The following EPB41L1 variants were observed in gnomAD, a reference collection of about 807,000 sequenced individuals.
EPB41L1 encodes the protein band 4.1-like protein 1.
EPB41L1 carries 29 observed loss-of-function variants against 97.8 expected under a neutral mutation model. That is an observed-to-expected ratio of 0.30 (90% CI 0.22 to 0.40). The LOEUF (loss-of-function observed/expected upper bound fraction) is 0.40, where lower values mean the gene tolerates loss of function less well. Ranked by LOEUF, EPB41L1 falls within the 10% of genes least tolerant of loss-of-function variation. EPB41L1 has a pLI of 1.00. For synonymous variants in EPB41L1, 383 were observed against 459.2 expected, an observed-to-expected ratio of 0.83 and a Z score of 2.12; for missense variants, 812 against 1,162.3, an observed-to-expected ratio of 0.70 and a Z score of 4.38.
Position 36,231,206 on chromosome 20 carries a change from G to C in EPB41L1, c.*1866G>C, listed in dbSNP as rs1244549799. The C allele has an allele frequency of 6.6e-6, 1 of 152,178 alleles. No homozygotes were observed. Among genetic ancestry groups the C allele is most frequent in the Non-Finnish European group, 1.5e-5 (1 of 68,036 alleles). 9.4% of individuals were successfully genotyped at this position (152,178 alleles called of 1,614,324 possible). ...TCAAGAAGCTCCCATCACAAGCTTG[G>C]CATTGCTCTCTGCCACACGTGGGCT... On this transcript the variant is annotated 3_prime_UTR_variant, in exon 22 of 22. Transcript: ENST00000338074.
chr20:36,123,496 A>C (rs1036393006), intron 2 of EPB41L1, among the ~76,000 whole-genome samples: 2 of 152,178 alleles, frequency 1.3e-5, no homozygotes, highest in African/African-American at 4.8e-5. Flanking sequence ...GCTAGAGTGC[A>C]GTGGCGCAAT....
At chr20:36,106,164 G>A (rs763355002) in intron 1 of EPB41L1, among the ~76,000 whole-genome samples, 1 of 152,206 alleles carries the variant, frequency 6.6e-6, no homozygotes, top group Non-Finnish European at 1.5e-5. Context: ...TGTGGGTGGG[G>A]GAACTAAGGA....
At chr20:36,188,641 C>CACAGAGAG in intron 9 of EPB41L1, 142 bp downstream of exon 9, 1 of 270,434 alleles carries the variant, frequency 3.7e-6, no homozygotes, top group South Asian at 4.0e-5. Context: ...CACACACACA[C>CACAGAGAG]AGAGAGAGAG....
At chr20:36,225,251 G>A (rs1201631142) in intron 21 of EPB41L1, among the ~76,000 whole-genome samples, 1 of 152,238 alleles carries the variant, frequency 6.6e-6, no homozygotes, top group Non-Finnish European at 1.5e-5. Context: ...TCATACAAGT[G>A]ATTGTCATTC....
chr20:36,224,284 T>A (rs922338242), intron 21 of EPB41L1, among the ~76,000 whole-genome samples: 1 of 152,188 alleles, frequency 6.6e-6, no homozygotes, highest in Non-Finnish European at 1.5e-5. Flanking sequence ...ATAATCTCAA[T>A]AATTTTTACA....
intron 1 of EPB41L1, among the ~76,000 whole-genome samples, chr20:36,102,117 G>C (rs2048659148): frequency 7.2e-6 from 1 of 139,096 alleles, no homozygotes; most frequent in Admixed American, 7.1e-5. Context: ...GGGCGGGGTG[G>C]GGGGTGGGCG....
intron 2 of EPB41L1, among the ~76,000 whole-genome samples, chr20:36,116,560 C>G (rs911680897): frequency 1.3e-5 from 2 of 152,166 alleles, no homozygotes; most frequent in African/African-American, 4.8e-5. Context: ...TTCCCTTCTT[C>G]CTGGTGGTGA....
chr20:36,229,503 TAGAG>T lies in EPB41L1; in HGVS notation c.*165_*168del. 1 of 685,138 alleles carries T rather than the reference TAGAG, an allele frequency of 1.5e-6. No individual in the cohort carries two copies. The highest frequency in any genetic ancestry group is 2.6e-6 in the Non-Finnish European group (1 of 380,330). The allele number at this position is 685,138 out of a possible 1,614,324, so 42.4% of individuals were successfully genotyped here. ...GGAAAAGCATATATATATAGATATA[TAGAG>T]ATATAGATATATATACAGGAAACAC... On this transcript the variant is annotated 3_prime_UTR_variant, in exon 22 of 22. Coordinates refer to ENST00000338074, the MANE Select transcript of EPB41L1 (RefSeq NM_012156.2).
At chr20:36,214,842 C>T (rs2063348670) in intron 17 of EPB41L1, among the ~76,000 whole-genome samples, 2 of 152,044 alleles carry the variant, frequency 1.3e-5, no homozygotes, top group South Asian at 4.2e-4. Context: ...TGTCTCATGC[C>T]TTAGACCACT....
intron 2 of EPB41L1, chr20:36,122,553 C>G (rs901505815): frequency 4.6e-5 from 7 of 152,962 alleles, no homozygotes; most frequent in Non-Finnish European, 1.0e-4. Flanking sequence ...TTTGGCCACA[C>G]CCATGAGCAG....
chr20:36,220,130 C>T (rs2063695360), intron 19 of EPB41L1, among the ~76,000 whole-genome samples: 1 of 152,238 alleles, frequency 6.6e-6, no homozygotes, highest in Admixed American at 6.5e-5. Context: ...CTGGAGGAAT[C>T]TAGACGGGGT....
At position 36,093,117 on chromosome 20, in the gene EPB41L1, CTG is replaced by C. The variant is rs1281860001; in HGVS notation, c.-65+1512_-65+1513del. On this transcript the variant is annotated intron_variant, in intron 1 of 19. Transcript: ENST00000202028. This position sits in a 1 kb window ranked among gnomAD's most constrained non-coding sequence, Gnocchi z 5.4. ...GTGCGTGTGTGCGCCGGGTGTGCAT[CTG>C]TGTGTGCGTGTGTGAGGGTGTGTGC... is the stretch of plus-strand genomic sequence containing the variant. 6.6e-6 allele frequency: 1 copy of C among 151,800 alleles called. No individual in the cohort carries two copies. The highest frequency in any genetic ancestry group is 1.5e-5 in the Non-Finnish European group (1 of 68,582). The allele number at this position is 151,800 out of a possible 1,614,324, so 9.4% of individuals were successfully genotyped here.
At chr20:36,191,430 C>G (rs1046889696) in intron 11 of EPB41L1, among the ~76,000 whole-genome samples, 2 of 152,052 alleles carry the variant, frequency 1.3e-5, no homozygotes, top group African/African-American at 4.8e-5. Context: ...CCTATATAGT[C>G]CTGTAGCAAG....
chr20:36,181,302 A>G (rs757774474), intron 5 of EPB41L1, among the ~76,000 whole-genome samples: 5 of 152,178 alleles, frequency 3.3e-5, no homozygotes, highest in Admixed American at 1.3e-4. Context: ...AATTTTGTCC[A>G]GTACCTCATA....
rs188238182 is a variant in EPB41L1 at position 36,182,086 on chromosome 20, C to T, written c.491-186C>T. Among the ~76,000 whole-genome samples, 214 of 152,280 alleles carry T rather than the reference C, an allele frequency of 1.4e-3. 1 individual carries two copies. The highest frequency in any genetic ancestry group is 0.013 in the Admixed American group (200 of 15,296). Reference sequence around the variant, plus strand: ...TACCTTCCTTCCTACTGCTAGCTCACGAGTCTCTTAACTTGGGCCTCAGTT... The same window carrying T: ...TACCTTCCTTCCTACTGCTAGCTCATGAGTCTCTTAACTTGGGCCTCAGTT... On this transcript the variant is annotated intron_variant, in intron 5 of 21. Transcript: ENST00000338074.
intron 9 of EPB41L1, among the ~76,000 whole-genome samples, chr20:36,189,181 G>A (rs562374442): frequency 7.9e-5 from 12 of 151,880 alleles, no homozygotes; most frequent in South Asian, 2.1e-4. Context: ...CATCACACCC[G>A]CCTCCAGCAT....
At chr20:36,101,545 C>T (rs935465351) in intron 1 of EPB41L1, among the ~76,000 whole-genome samples, 3 of 152,130 alleles carry the variant, frequency 2.0e-5, no homozygotes, top group African/African-American at 7.2e-5. Context: ...TCCACAGAGC[C>T]ACTCTTCATA....
chr20:36,225,104 G>A (rs2064034713), intron 21 of EPB41L1, among the ~76,000 whole-genome samples: 1 of 152,254 alleles, frequency 6.6e-6, no homozygotes, highest in Admixed American at 6.5e-5. Context: ...TTACAGGTGT[G>A]AGCCACTGCA....
chr20:36,112,948 G>GA (rs1484027247), intron 2 of EPB41L1, among the ~76,000 whole-genome samples: 1 of 152,230 alleles, frequency 6.6e-6, no homozygotes, highest in African/African-American at 2.4e-5. Context: ...GGGGATGGGG[G>GA]AAAGTAGGGT....
Sources: gnomAD v4.1 joint callset for allele counts (sites outside exome capture counted in the v4.1 genomes callset) on GRCh38, gnomAD v4.1.1 for gene constraint, Gnocchi (gnomAD v3.1) non-coding constraint, MANE v1.5 for transcripts, NCBI Gene and HGNC (gene_info 2026-07-23, HGNC 2026-07-21) for gene names.